Variants in PCDH10 observed in about 807,000 individuals in gnomAD.
PCDH10 encodes the protein protocadherin 10, also known as protocadherin-10.
In PCDH10, 15 loss-of-function variants were observed where a neutral mutation model predicts 74.4. The observed-to-expected ratio is 0.20, with a 90% CI of 0.13 to 0.31. The LOEUF (loss-of-function observed/expected upper bound fraction) is 0.31. PCDH10 is among the 10% of genes least tolerant of loss of function. The pLI, the probability that PCDH10 is intolerant of heterozygous loss-of-function variation, is 1.00. For synonymous variants in PCDH10, 619 were observed against 589.8 expected (o/e 1.05, Z -0.72); for missense variants, 1,260 against 1,390.2 (o/e 0.91, Z 1.49).
At chr4:133,174,557 T>C (rs917167260) in intron 4 of PCDH10, among the ~76,000 whole-genome samples, 1 of 151,726 alleles carries the variant, frequency 6.6e-6, no homozygotes, top group Non-Finnish European at 1.5e-5. Flanking sequence ...GACAGTTCTC[T>C]TCTGTCAAGA....
At chr4:133,187,185 A>C (rs1727561028) in intron 4 of PCDH10, among the ~76,000 whole-genome samples, 1 of 152,112 alleles carries the variant, frequency 6.6e-6, no homozygotes, top group African/African-American at 2.4e-5. Context: ...CTGTGGATTA[A>C]AAATATTTGG....
chr4:133,164,958 T>TAC (rs1315658421), intron 4 of PCDH10, among the ~76,000 whole-genome samples: 1 of 148,074 alleles, frequency 6.8e-6, no homozygotes, highest in Non-Finnish European at 1.5e-5. Flanking sequence ...TTCATATATA[T>TAC]ACACATATAT....
chr4:133,188,837 C>T (rs1727597110), intron 4 of PCDH10, among the ~76,000 whole-genome samples: 1 of 151,742 alleles, frequency 6.6e-6, no homozygotes, highest in Admixed American at 6.6e-5. Flanking sequence ...CCATGCCAGG[C>T]TAATATTTTG....
rs1241965123 is a variant in PCDH10, at chr4:133,192,598, A to C, written c.*2438A>C. 6 of 151,560 alleles carry C rather than the reference A, an allele frequency of 4.0e-5. No individual in the cohort carries two copies. Among genetic ancestry groups the C allele is most frequent in the Non-Finnish European group, 8.9e-5 (6 of 67,592 alleles). 9.4% of individuals were successfully genotyped at this position (151,560 alleles called of 1,614,324 possible). The stretch of plus-strand genomic sequence containing the variant: ...TGTATTAGTTATTTTCATATATCCT[A>C]GGAACTAGTTATACTAACTTACATT... On this transcript the variant is annotated 3_prime_UTR_variant, in exon 5 of 5. Coordinates refer to ENST00000264360, the MANE Select transcript of PCDH10 (RefSeq NM_032961.3).
At chr4:133,202,039 G>T (rs1224403378) in intron 2 of PCDH10, among the ~76,000 whole-genome samples, 1 of 152,006 alleles carries the variant, frequency 6.6e-6, no homozygotes, top group African/African-American at 2.4e-5. Flanking sequence ...ACCCCCATTA[G>T]CTCCTTGAAG....
rs79251086 is a variant in PCDH10 at position 133,154,018 on chromosome 4, G to C, written c.2632-289G>C. On this transcript the variant is annotated intron_variant, in intron 1 of 4. Coordinates refer to ENST00000264360, the MANE Select transcript of PCDH10 (RefSeq NM_032961.3). ...CTCTGTTAGAGACAATAGTATATGA[G>C]CTCTAGCCATGAGGTCATTTGCATT... 1,020 of 353,156 alleles carry C rather than the reference G, an allele frequency of 2.9e-3. 11 individuals carry two copies. Among genetic ancestry groups the C allele is most frequent in the African/African-American group, 0.021 (952 of 45,646 alleles). The allele number at this position is 353,156 out of a possible 1,614,324, so 21.9% of individuals were successfully genotyped here.
At chr4:133,184,797 T>A (rs1439163650) in intron 4 of PCDH10, among the ~76,000 whole-genome samples, 1 of 131,888 alleles carries the variant, frequency 7.6e-6, no homozygotes. Flanking sequence ...TATATATATT[T>A]ATATATATAT....
intron 4 of PCDH10, among the ~76,000 whole-genome samples, chr4:133,181,043 A>G (rs978691218): frequency 2.0e-5 from 3 of 151,940 alleles, no homozygotes; most frequent in Non-Finnish European, 4.4e-5. Context: ...GAGTATAACT[A>G]AAACTAAAGT....
chr4:133,184,022 G>A (rs1480877205), intron 4 of PCDH10, among the ~76,000 whole-genome samples: 1 of 151,962 alleles, frequency 6.6e-6, no homozygotes, highest in Non-Finnish European at 1.5e-5. Context: ...TATGTTGTAA[G>A]TATTCAATAT....
intron 4 of PCDH10, among the ~76,000 whole-genome samples, chr4:133,174,961 T>A (rs907615517): frequency 3.3e-5 from 5 of 151,388 alleles, no homozygotes; most frequent in Non-Finnish European, 7.4e-5. Context: ...AAAAAAAAAA[T>A]TGAGCTTGAA....
Position 133,190,296 on chromosome 4 carries a change from T to C in PCDH10, c.*136T>C. ...GAGTATTAGATTTCGGATGGAGTCA[T>C]CATGGCCAATTATAGGACCTAATTG... On this transcript the variant is annotated 3_prime_UTR_variant, in exon 5 of 5. Transcript: ENST00000264360. 1.3e-6 allele frequency: 1 copy of C among 763,104 alleles called. No individual in the cohort carries two copies. The allele number at this position is 763,104 out of a possible 1,614,324, so 47.3% of individuals were successfully genotyped here. A position where few individuals can be genotyped will look rare whatever the true frequency, so the allele number is the denominator to read the frequency against.
At chr4:133,155,589 A>G (rs982976309) in intron 3 of PCDH10, among the ~76,000 whole-genome samples, 2 of 152,176 alleles carry the variant, frequency 1.3e-5, no homozygotes, top group African/African-American at 4.8e-5. Flanking sequence ...AGGCTTCAGA[A>G]CGTTAGGTAA....
chr4:133,163,914 C>A, intron 4 of PCDH10: 1 of 442,878 alleles, frequency 2.3e-6, no homozygotes, highest in Non-Finnish European at 4.5e-6. Context: ...TTTATTTTAG[C>A]CTTTATGAAG....
chr4:133,204,743 C>G (rs1208333228), intron 2 of PCDH10, among the ~76,000 whole-genome samples: 1 of 152,128 alleles, frequency 6.6e-6, no homozygotes, highest in African/African-American at 2.4e-5. Context: ...ATTTTACTTG[C>G]CTCCTATTCA....
downstream of PCDH10, among the ~76,000 whole-genome samples, chr4:133,199,001 T>G (rs1727849108): frequency 1.3e-5 from 2 of 152,116 alleles, no homozygotes; most frequent in African/African-American, 4.8e-5. Context: ...ATAACTTGCC[T>G]GGCTGGCGGC....
At chr4:133,175,957 T>A (rs961971473) in intron 4 of PCDH10, among the ~76,000 whole-genome samples, 2 of 152,142 alleles carry the variant, frequency 1.3e-5, no homozygotes, top group South Asian at 2.1e-4. Flanking sequence ...AGCTTTAAAA[T>A]GTGCCTGAAG....
chr4:133,156,421 G>GCTAAGTGAACAGAGCAT (rs1560705974), intron 3 of PCDH10, among the ~76,000 whole-genome samples: 2 of 152,218 alleles, frequency 1.3e-5, no homozygotes, highest in African/African-American at 4.8e-5. Flanking sequence ...GGGCCTTCAC[G>GCTAAGTGAACAGAGCAT]CTAAGTGAAC....
In PCDH10 at chr4:133,154,807, T is replaced by C; in HGVS notation, c.2691-110T>C. On this transcript the variant is annotated intron_variant, in intron 2 of 4. Coordinates refer to ENST00000264360, the MANE Select transcript of PCDH10 (RefSeq NM_032961.3). ...AGCTTTATGCAGAAACAAAGCCAAC[T>C]AAGAGGTCTGTGAGTCTGCAGCACC... is the stretch of plus-strand genomic sequence containing the variant. 5.5e-6 allele frequency: 4 copies of C among 730,320 alleles called. No homozygotes were observed. The East Asian group carries it at 7.7e-5, about 14-fold the overall frequency. 45.2% of individuals were successfully genotyped at this position (730,320 alleles called of 1,614,324 possible). A position where few individuals can be genotyped will look rare whatever the true frequency, so the allele number is the denominator to read the frequency against.
Position 133,152,213 on chromosome 4 carries a change from C to A in PCDH10, c.2073C>A (p.Ser691Arg). The A allele has an allele frequency of 1.3e-6, 2 of 1,586,950 alleles. No individual in the cohort carries two copies. The highest frequency in any genetic ancestry group is 2.3e-5 in the South Asian group (2 of 86,838). The change falls in exon 1 of 5, where the codon AGC becomes AGA. Residue 691 changes from serine (S) to arginine (R), a missense_variant. This residue lies in a region of PCDH10 where 587 missense variants were observed against 616.9 expected (regional missense o/e 0.95). Coordinates refer to ENST00000264360, the MANE Select transcript of PCDH10 (RefSeq NM_032961.3). Reference protein sequence around the residue: ...GAVEPQGGGGSGGGGSGEHQR... With the variant: ...GAVEPQGGGGRGGGGSGEHQR... ...TGGAGCCCCAGGGCGGGGGCGGGAG[C>A]GGAGGCGGAGGGTCAGGAGAGCACC...
Sources: allele counts gnomAD v4.1 joint callset (sites outside exome capture counted in the v4.1 genomes callset), GRCh38; gene constraint gnomAD v4.1.1; regional missense constraint gnomAD v4.1.1; transcripts MANE v1.5; gene names NCBI Gene and HGNC (gene_info 2026-07-23, HGNC 2026-07-21).